CANX: variants seen among roughly 807,000 people sequenced by gnomAD.
CANX encodes the protein epididymis secretory sperm binding protein.
A neutral mutation model predicts 75.7 loss-of-function variants in CANX; 14 were observed. The observed-to-expected ratio is 0.19, with a 90% confidence interval of 0.12 to 0.29. The LOEUF (loss-of-function observed/expected upper bound fraction) is 0.29. Among genes scored for constraint, CANX ranks in the 10% least tolerant of loss-of-function variants. The probability of loss-of-function intolerance (pLI) is 1.00; values close to 1 mark genes in which losing one functional copy is unlikely to be tolerated. For missense variants in CANX, 567 were observed against 713.2 expected (o/e 0.79, Z 2.34); for synonymous variants, 227 against 236.9 (o/e 0.96, Z 0.38).
intron 1 of CANX, among the ~76,000 whole-genome samples, chr5:179,701,849 C>G (rs1776785771): frequency 7.5e-6 from 1 of 133,420 alleles, no homozygotes; most frequent in Non-Finnish European, 1.6e-5. Context: ...AAGCAATTCT[C>G]CTGCCTCAGC....
At chr5:179,698,406 C>T (rs1350464654), upstream of CANX, 3 of 1,237,450 alleles carry the variant, frequency 2.4e-6, no homozygotes, top group Non-Finnish European at 3.1e-6. Flanking sequence ...CCGGCTCACA[C>T]AGCGCGGAGC....
At chr5:179,712,720 G>A (rs1308149156) in intron 7 of CANX, among the ~76,000 whole-genome samples, 5 of 149,274 alleles carry the variant, frequency 3.3e-5, no homozygotes, top group South Asian at 4.3e-4. Flanking sequence ...CACCGCGCCT[G>A]GACTACCTTT....
chr5:179,695,215 A>AT (rs1370212110), upstream of CANX, among the ~76,000 whole-genome samples: 6 of 151,764 alleles, frequency 4.0e-5, no homozygotes, highest in East Asian at 1.9e-4. Flanking sequence ...CACCCGGCTA[A>AT]TTTTTTTGTG....
chr5:179,688,519 A>C (rs1406852933), intron 1 of CANX, among the ~76,000 whole-genome samples: 1 of 150,394 alleles, frequency 6.6e-6, no homozygotes, highest in East Asian at 2.0e-4. Context: ...GCCCACCACC[A>C]CGCGCAGCTC....
At chr5:179,683,274 C>T (rs1405625398) in intron 1 of CANX, among the ~76,000 whole-genome samples, 2 of 152,016 alleles carry the variant, frequency 1.3e-5, no homozygotes, top group Non-Finnish European at 2.9e-5. Context: ...ACTACAGGCA[C>T]CCGCCACCAT....
intron 1 of CANX, among the ~76,000 whole-genome samples, chr5:179,699,314 G>T (rs1282882470): frequency 6.6e-6 from 1 of 152,182 alleles, no homozygotes; most frequent in Non-Finnish European, 1.5e-5. Flanking sequence ...GCGCCGCCGG[G>T]GTCGGGAGGC....
intron 1 of CANX, among the ~76,000 whole-genome samples, chr5:179,688,622 CA>C (rs1203755419): frequency 4.0e-5 from 6 of 151,454 alleles, no homozygotes; most frequent in Admixed American, 3.9e-4. Flanking sequence ...CTCAGCCTCC[CA>C]AAGTGCTGGG....
intron 13 of CANX, among the ~76,000 whole-genome samples, chr5:179,725,592 A>C (rs1215180430): frequency 5.4e-5 from 8 of 148,926 alleles, no homozygotes; most frequent in Non-Finnish European, 1.0e-4. Context: ...AGGCAGGAGA[A>C]TGGCGTGAAC....
At chr5:179,707,064 A>G (rs1423710354) in intron 3 of CANX, 68 bp from the exon 4 acceptor site, 2 of 906,928 alleles carry the variant, frequency 2.2e-6, no homozygotes, top group African/African-American at 3.3e-5. Context: ...TTTAATGAGT[A>G]TTTACATAAT....
chr5:179,693,676 AT>A (rs1776340981), upstream of CANX, among the ~76,000 whole-genome samples: 2 of 151,974 alleles, frequency 1.3e-5, no homozygotes, highest in African/African-American at 2.4e-5. Flanking sequence ...TCTCAAAAAA[AT>A]AAAATAAAAA....
chr5:179,694,611 A>T, upstream of CANX: 1 of 995,376 alleles, frequency 1.0e-6, no homozygotes, highest in Non-Finnish European at 1.6e-6. Context: ...GCCTTACATC[A>T]CTAAGACGGC....
At chr5:179,709,571 G>C (rs1777386067) in intron 6 of CANX, 1 of 223,418 alleles carries the variant, frequency 4.5e-6, no homozygotes. Context: ...GTTTTTATCT[G>C]AATTTCTGGT....
chr5:179,714,441 G>A (rs939424687), intron 7 of CANX, among the ~76,000 whole-genome samples: 7 of 152,020 alleles, frequency 4.6e-5, no homozygotes, highest in Middle Eastern at 3.2e-3. Flanking sequence ...TCAGCATTGT[G>A]ATATATATTT....
In CANX at chr5:179,724,747, A is replaced by G; in HGVS notation, c.1609A>G (p.Lys537Glu). 1.2e-6 allele frequency: 2 copies of G among 1,612,022 alleles called. No individual in the cohort carries two copies. The highest frequency in any genetic ancestry group is 1.7e-6 in the Non-Finnish European group (2 of 1,178,142). Residue 537 changes from lysine to glutamate, a missense_variant, in exon 13 of 15, where the codon AAG becomes GAG. By Grantham distance (56) the Lys-to-Glu change is moderately conservative (BLOSUM62 1). Coordinates refer to ENST00000247461, the MANE Select transcript of CANX (RefSeq NM_001746.4). ...EEEEKEEEKD[K>E]GDEEEEGEEK... is the part of the protein sequence containing the mutation. ...AGAAGAGAAGGAAGAGGAAAAGGACAAGGGAGATGAGGAGGAGGAAGGAGA... is the reference window on the plus strand; with the variant it reads ...AGAAGAGAAGGAAGAGGAAAAGGACGAGGGAGATGAGGAGGAGGAAGGAGA...
At position 179,723,789 on chromosome 5, in the gene CANX, T is replaced by G; in HGVS notation, c.1518+10T>G. The G allele has an allele frequency of 6.3e-7, 1 of 1,578,588 alleles. No individual in the cohort carries two copies. Among genetic ancestry groups the G allele is most frequent in the South Asian group, 1.2e-5 (1 of 85,426 alleles). ...CTGCTGTTCTGGAAAGGTAGGAAGT[T>G]TTTTTTTTTAGAATCAATTTTAGAG... On this transcript the variant is annotated intron_variant, in intron 12 of 14. Coordinates refer to ENST00000247461, the MANE Select transcript of CANX (RefSeq NM_001746.4).
chr5:179,697,810 C>G (rs1776450261), upstream of CANX, among the ~76,000 whole-genome samples: 1 of 152,132 alleles, frequency 6.6e-6, no homozygotes, highest in Non-Finnish European at 1.5e-5. Flanking sequence ...ATCGCTTGAA[C>G]CCGGGAGGCG....
Position 179,730,838 on chromosome 5 carries a change from C to T in CANX, c.*2194C>T, listed in dbSNP as rs570004455. On this transcript the variant is annotated 3_prime_UTR_variant, in exon 15 of 15. Transcript: ENST00000247461. Reference sequence around the variant, plus strand: ...TGCCCACTCTCCATCAGATGTGTTCCTCCATTTTCTTATCCACAAAGTACT... The same window carrying T: ...TGCCCACTCTCCATCAGATGTGTTCTTCCATTTTCTTATCCACAAAGTACT... 28 of 152,314 alleles carry T rather than the reference C, an allele frequency of 1.8e-4. No homozygotes were observed. The highest frequency in any genetic ancestry group is 6.5e-4 in the African/African-American group (27 of 41,566). 9.4% of individuals were successfully genotyped at this position (152,314 alleles called of 1,614,324 possible). A position where few individuals can be genotyped will look rare whatever the true frequency, so the allele number is the denominator to read the frequency against.
At chr5:179,704,770 C>T (rs969145819) in intron 1 of CANX, among the ~76,000 whole-genome samples, 4 of 150,450 alleles carry the variant, frequency 2.7e-5, no homozygotes, top group Non-Finnish European at 5.9e-5. Flanking sequence ...TGGGAGGCGG[C>T]GGTTGCAGTG....
intron 1 of CANX, chr5:179,680,834 C>A (rs1165213281): frequency 6.7e-7 from 1 of 1,488,266 alleles, no homozygotes; most frequent in Non-Finnish European, 9.1e-7. Flanking sequence ...ATACACTTAT[C>A]CCTCACATAT....
Sources: gnomAD v4.1 joint callset for allele counts (sites outside exome capture counted in the v4.1 genomes callset) on GRCh38, gnomAD v4.1.1 for gene constraint, MANE v1.5 for transcripts, NCBI Gene and HGNC (gene_info 2026-07-23, HGNC 2026-07-21) for gene names.